Variants in NOBOX observed in about 807,000 individuals in gnomAD.
NOBOX encodes the protein homeobox protein NOBOX.
NOBOX carries 46 observed loss-of-function variants against 60.2 expected under a neutral mutation model. The observed-to-expected ratio is 0.76, with a 90% CI of 0.60 to 0.98. The LOEUF (loss-of-function observed/expected upper bound fraction) is 0.98. Ranked by LOEUF, NOBOX falls within the 50% of genes least tolerant of loss-of-function variation. NOBOX has a pLI of 0.00. For synonymous variants in NOBOX, 360 were observed against 346.3 expected, an observed-to-expected ratio of 1.04 and a Z score of -0.44; for missense variants, 880 against 865.5, an observed-to-expected ratio of 1.02 and a Z score of -0.21.
chr7:144,401,373 G>A lies in NOBOX; in HGVS notation c.517C>T (p.Leu173=). Residue 173 remains leucine, a synonymous_variant, in exon 4 of 10, where the codon CTA becomes TTA. Coordinates refer to ENST00000467773, the MANE Select transcript of NOBOX (RefSeq NM_001080413.3). This position sits in a 1 kb window ranked among gnomAD's most constrained non-coding sequence, Gnocchi z 4.2. ...TGAGTCTGGGGCCTGGAGCGGGCTAGAGTTCTGTCTTTGTGGGGAGCCCTG... is the reference window on the plus strand; with the variant it reads ...TGAGTCTGGGGCCTGGAGCGGGCTAAAGTTCTGTCTTTGTGGGGAGCCCTG... 1 of 1,613,802 alleles carries A rather than the reference G, an allele frequency of 6.2e-7. No individual in the cohort carries two copies. Among genetic ancestry groups the A allele is most frequent in the Non-Finnish European group, 8.5e-7 (1 of 1,179,846 alleles).
At chr7:144,404,155 ACTC>A (rs945575703) in intron 2 of NOBOX, among the ~76,000 whole-genome samples, 7 of 152,072 alleles carry the variant, frequency 4.6e-5, no homozygotes, top group African/African-American at 1.7e-4. Flanking sequence ...TTCTAGAGCC[ACTC>A]CTCAAAGGGG....
At position 144,398,289 on chromosome 7, in the gene NOBOX, C is replaced by A; in HGVS notation, c.1767G>T (p.Gly589=). Residue 589 remains glycine, a synonymous_variant, in exon 9 of 10, where the codon GGG becomes GGT. Coordinates refer to ENST00000467773, the MANE Select transcript of NOBOX (RefSeq NM_001080413.3). ...CTCCCAGCCTCAACTCACCTATATT[C>A]CCAGCAGGTGGTTGCATCAGGATCT... 6.5e-7 allele frequency: 1 copy of A among 1,537,230 alleles called. No homozygotes were observed. Among genetic ancestry groups the A allele is most frequent in the South Asian group, 1.2e-5 (1 of 84,020 alleles).
In NOBOX at chr7:144,401,074, C is replaced by T; in HGVS notation, c.816G>A (p.Arg272=). ...AGCGGTATAGGGTTCGTGTCTTTTT[C>T]CTAATTTGGCAGGTCACTTCCGGGG... The change falls in exon 4 of 10, where the codon AGG becomes AGA. Residue 272 remains arginine (R), a synonymous_variant. Transcript: ENST00000467773. This position sits in a 1 kb window ranked among gnomAD's most constrained non-coding sequence, Gnocchi z 4.2. 7 of 1,528,544 alleles carry T rather than the reference C, an allele frequency of 4.6e-6. No individual in the cohort carries two copies. Among genetic ancestry groups the T allele is most frequent in the Non-Finnish European group, 6.1e-6 (7 of 1,141,074 alleles). 94.7% of individuals were successfully genotyped at this position (1,528,544 alleles called of 1,614,324 possible). A position where few individuals can be genotyped will look rare whatever the true frequency, so the allele number is the denominator to read the frequency against.
intron 1 of NOBOX, chr7:144,404,780 G>C (rs1044173482): frequency 7.5e-7 from 1 of 1,338,902 alleles, no homozygotes; most frequent in Middle Eastern, 2.4e-4. Flanking sequence ...TCTCACAGGG[G>C]TGCAGCCTTA....
chr7:144,404,707 T>C, intron 1 of NOBOX: 1 of 1,608,834 alleles, frequency 6.2e-7, no homozygotes, highest in Non-Finnish European at 8.5e-7. Context: ...GGTTACTGTG[T>C]TTCCATCCAT....
At chr7:144,403,715 G>A (rs1341182793) in intron 2 of NOBOX, 22 bp from the exon 1 acceptor site, 1 of 699,450 alleles carries the variant, frequency 1.4e-6, no homozygotes, top group African/African-American at 1.8e-5. Context: ...CCGCCGCCGC[G>A]GCCGGCCCGT....
rs115206969 is a variant in NOBOX, at chr7:144,404,635, C to T, written c.131G>A (p.Arg44Gln). The T allele has an allele frequency of 3.7e-6, 6 of 1,613,896 alleles. No individual in the cohort carries two copies. In the East Asian group the frequency reaches 6.7e-5, roughly 18 times the overall value. Residue 44 changes from arginine to glutamine, a missense_variant, in exon 2 of 10, where the codon CGG becomes CAG. By Grantham distance (43) the Arg-to-Gln change is conservative (BLOSUM62 1). Transcript: ENST00000467773. ...GAAAGAGCCACAGACTCCGTAGATCCGGTACAGTCCACACACAGGAAATTC... is the reference window on the plus strand; with the variant it reads ...GAAAGAGCCACAGACTCCGTAGATCTGGTACAGTCCACACACAGGAAATTC...
intron 5 of NOBOX, 157 bp downstream of exon 3, chr7:144,400,049 T>C: frequency 6.5e-7 from 1 of 1,539,056 alleles, no homozygotes; most frequent in Non-Finnish European, 8.9e-7. Flanking sequence ...GCTCTCAGGC[T>C]GTGGCACTCT....
At chr7:144,400,440 G>A (rs1248641402) in intron 4 of NOBOX, 128 bp from the exon 3 acceptor site, 1 of 776,554 alleles carries the variant, frequency 1.3e-6, no homozygotes, top group South Asian at 1.8e-5. Flanking sequence ...CTTTCCCAAA[G>A]CCTTTTTCCT....
Position 144,401,095 on chromosome 7 carries a change from C to T in NOBOX, c.795G>A (p.Pro265=), listed in dbSNP as rs370846745. The change falls in exon 4 of 10, where the codon CCG becomes CCA. Residue 265 remains proline (P), a synonymous_variant. Transcript: ENST00000467773. The surrounding 1 kb of genome is among the most constrained non-coding windows in gnomAD (Gnocchi z 4.2). ...TTTTCCTAATTTGGCAGGTCACTTC[C>T]GGGGGCCCCTGCTTGTGGTCTCTGT... 2.5e-5 allele frequency: 38 copies of T among 1,542,800 alleles called. No homozygotes were observed. Among genetic ancestry groups the T allele is most frequent in the Admixed American group, 4.1e-5 (2 of 48,882 alleles).
intron 2 of NOBOX, among the ~76,000 whole-genome samples, chr7:144,404,069 GGCTC>G (rs1249608599): frequency 1.3e-5 from 2 of 152,144 alleles, no homozygotes; most frequent in African/African-American, 4.8e-5. Flanking sequence ...CCAGCCGTGG[GGCTC>G]ACCCACACCC....
Position 144,400,048 on chromosome 7 carries a change from C to T in NOBOX, c.1047+62G>A. ...GCCTTCCTCTCCTAATGCTCTCAGG[C>T]TGTGGCACTCTGGAAACAGTCAGGG... is the stretch of plus-strand genomic sequence containing the variant. On this transcript the variant is annotated intron_variant, in intron 5 of 9. Transcript: ENST00000467773. The T allele has an allele frequency of 2.0e-6, 3 of 1,535,626 alleles. No homozygotes were observed. In the South Asian group the frequency reaches 3.4e-5, roughly 17 times the overall value.
rs368865475 is a variant in NOBOX at position 144,401,631 on chromosome 7, C to T, written c.293-34G>A. 3 of 1,494,370 alleles carry T rather than the reference C, an allele frequency of 2.0e-6. No individual in the cohort carries two copies. Among genetic ancestry groups the T allele is most frequent in the East Asian group, 2.3e-5 (1 of 43,908 alleles). 92.6% of individuals were successfully genotyped at this position (1,494,370 alleles called of 1,614,324 possible). On this transcript the variant is annotated intron_variant, in intron 3 of 9. Coordinates refer to ENST00000467773, the MANE Select transcript of NOBOX (RefSeq NM_001080413.3). The surrounding 1 kb of genome is among the most constrained non-coding windows in gnomAD (Gnocchi z 4.2). ...AGCCAACATCCACTGACCTTAGCACCAGGGAGAAGGAAGAACTGGACCAAG... is the reference window on the plus strand; with the variant it reads ...AGCCAACATCCACTGACCTTAGCACTAGGGAGAAGGAAGAACTGGACCAAG...
chr7:144,401,768 G>T lies in NOBOX; in HGVS notation c.292+101C>A. 9.4e-7 allele frequency: 1 copy of T among 1,061,602 alleles called. No individual in the cohort carries two copies. Among genetic ancestry groups the T allele is most frequent in the Non-Finnish European group, 1.4e-6 (1 of 717,404 alleles). 65.8% of individuals were successfully genotyped at this position (1,061,602 alleles called of 1,614,324 possible). A position where few individuals can be genotyped will look rare whatever the true frequency, so the allele number is the denominator to read the frequency against. ...ACCTTCCTAGCTTGACTATTGTGAG[G>T]ATTAAATCAGATAACCCAACTTCTT... On this transcript the variant is annotated intron_variant, in intron 3 of 9. Transcript: ENST00000467773. The surrounding 1 kb of genome is among the most constrained non-coding windows in gnomAD (Gnocchi z 4.2).
In NOBOX at chr7:144,404,655, A is replaced by G. The variant is rs2053972235; in HGVS notation, c.111T>C (p.Phe37=). 1 of 1,613,776 alleles carries G rather than the reference A, an allele frequency of 6.2e-7. No individual in the cohort carries two copies. Among genetic ancestry groups the G allele is most frequent in the Non-Finnish European group, 8.5e-7 (1 of 1,179,812 alleles). The change falls in exon 2 of 10, where the codon TTT becomes TTC. Residue 37 remains phenylalanine (F), a synonymous_variant. Transcript: ENST00000467773. ...AGATCCGGTACAGTCCACACACAGG[A>G]AATTCAGGTACAGCCAGGGGCGGCC...
chr7:144,402,813 A>G (rs1208224), intron 2 of NOBOX, among the ~76,000 whole-genome samples: 95,559 of 145,244 alleles, frequency 0.66, 31,727 homozygotes, highest in South Asian at 0.84. Context: ...CTGCAGTGAC[A>G]TGGTGCAATT....
At chr7:144,402,843 G>T (rs575600036) in intron 2 of NOBOX, among the ~76,000 whole-genome samples, 78 of 140,054 alleles carry the variant, frequency 5.6e-4, no homozygotes, top group Non-Finnish European at 9.9e-4. Flanking sequence ...TGCAACCTTG[G>T]CCCCCTGGGT....
rs767341487 is a variant in NOBOX, at chr7:144,401,556, C to G, written c.334G>C (p.Glu112Gln). ...GCTGAGCCCCGGAGCAGTTCCTCCT[C>G]CCCGGGTCCTGCAGCCAGGGGCTTC... is the stretch of plus-strand genomic sequence containing the variant. Residue 112 changes from glutamate (E) to glutamine (Q), a missense_variant, in exon 4 of 10, where the codon GAG becomes CAG. Glu to Gln is a conservative substitution (Grantham distance 29). Coordinates refer to ENST00000467773, the MANE Select transcript of NOBOX (RefSeq NM_001080413.3). The surrounding 1 kb of genome is among the most constrained non-coding windows in gnomAD (Gnocchi z 4.2). 6 of 1,511,772 alleles carry G rather than the reference C, an allele frequency of 4.0e-6. No individual in the cohort carries two copies. Among genetic ancestry groups the G allele is most frequent in the Non-Finnish European group, 5.3e-6 (6 of 1,136,120 alleles). The allele number at this position is 1,511,772 out of a possible 1,614,324, so 93.6% of individuals were successfully genotyped here. A position where few individuals can be genotyped will look rare whatever the true frequency, so the allele number is the denominator to read the frequency against.
intron 5 of NOBOX, 38 bp from the exon 4 acceptor site, chr7:144,399,901 G>A: frequency 6.5e-7 from 1 of 1,531,642 alleles, no homozygotes. Flanking sequence ...TGGAGAAGAG[G>A]GGCAGAGACT....
Sources: allele counts gnomAD v4.1 joint callset (sites outside exome capture counted in the v4.1 genomes callset), GRCh38; gene constraint gnomAD v4.1.1; non-coding constraint Gnocchi (gnomAD v3.1); transcripts MANE v1.5; gene names NCBI Gene and HGNC (gene_info 2026-07-23, HGNC 2026-07-21).